Variants in ADGRL2 observed in about 807,000 individuals in gnomAD.
The protein encoded by ADGRL2 is adhesion G protein-coupled receptor L2.
A neutral mutation model predicts 157.4 loss-of-function variants in ADGRL2; 44 were observed. That is an observed-to-expected ratio of 0.28 (90% CI 0.22 to 0.36). ADGRL2 has a LOEUF of 0.36. Among genes scored for constraint, ADGRL2 ranks in the 10% least tolerant of loss-of-function variants. The pLI, the probability that ADGRL2 is intolerant of heterozygous loss-of-function variation, is 1.00. For missense variants in ADGRL2, 1,510 were observed against 1,768.9 expected, an observed-to-expected ratio of 0.85 and a Z score of 2.63; for synonymous variants, 585 against 624.7, an observed-to-expected ratio of 0.94 and a Z score of 0.95.
chr1:81,568,364 G>T (rs560522608), intron 2 of ADGRL2, among the ~76,000 whole-genome samples: 4 of 152,040 alleles, frequency 2.6e-5, no homozygotes, highest in Admixed American at 6.6e-5. Context: ...GAATCAACCA[G>T]GTTTAAACCT....
At chr1:81,751,388 G>A (rs534167664) in intron 1 of ADGRL2, among the ~76,000 whole-genome samples, 12 of 152,256 alleles carry the variant, frequency 7.9e-5, no homozygotes, top group Non-Finnish European at 1.3e-4. Flanking sequence ...GCTATGAAAT[G>A]AACATAGCAT....
intron 3 of ADGRL2, among the ~76,000 whole-genome samples, chr1:81,581,152 A>G (rs1465556276): frequency 3.9e-5 from 6 of 152,176 alleles, no homozygotes; most frequent in Non-Finnish European, 7.4e-5. Context: ...TAAATATTTT[A>G]TGAGTCACTC....
At chr1:81,707,326 T>A (rs967790561) in intron 1 of ADGRL2, among the ~76,000 whole-genome samples, 2 of 152,204 alleles carry the variant, frequency 1.3e-5, no homozygotes, top group African/African-American at 2.4e-5. Context: ...AAGAATGTCA[T>A]CTCCACTCCA....
At chr1:81,865,536 C>G (rs757825845) in intron 2 of ADGRL2, among the ~76,000 whole-genome samples, 3 of 152,112 alleles carry the variant, frequency 2.0e-5, no homozygotes, top group Non-Finnish European at 4.4e-5. Context: ...GTCTCTAATT[C>G]TTAATTTATT....
intron 1 of ADGRL2, among the ~76,000 whole-genome samples, chr1:81,380,278 T>G (rs533726401): frequency 1.6e-4 from 24 of 152,212 alleles, no homozygotes; most frequent in Non-Finnish European, 2.6e-4. Context: ...GCCTATCACT[T>G]TTAATGTGTG....
Position 81,966,435 on chromosome 1 carries a change from G to C in ADGRL2, c.2175G>C (p.Arg725=), listed in dbSNP as rs1002606785. The change falls in exon 13 of 24, where the codon CGG becomes CGC. Residue 725 remains arginine (R), a synonymous_variant. Coordinates refer to ENST00000686636, the MANE Select transcript of ADGRL2 (RefSeq NM_001366006.2). ...GLAKLVFIIY[R]SLGQFLSTEN... Reference sequence around the variant, plus strand: ...CAAAGTTGGTGTTCATCATTTACCGGAGCCTGGGACAGTTCCTTAGTACAG... The same window carrying C: ...CAAAGTTGGTGTTCATCATTTACCGCAGCCTGGGACAGTTCCTTAGTACAG... 1.2e-6 allele frequency: 2 copies of C among 1,613,956 alleles called. No homozygotes were observed. The highest frequency in any genetic ancestry group is 1.7e-6 in the Non-Finnish European group (2 of 1,180,006).
At chr1:81,758,419 G>C (rs1328703295) in intron 1 of ADGRL2, among the ~76,000 whole-genome samples, 2 of 152,084 alleles carry the variant, frequency 1.3e-5, no homozygotes, top group Non-Finnish European at 2.9e-5. Flanking sequence ...ATGCCAATTA[G>C]GGCCGATTTA....
upstream of ADGRL2, among the ~76,000 whole-genome samples, chr1:81,797,764 T>A (rs1485983271): frequency 6.6e-6 from 1 of 152,142 alleles, no homozygotes; most frequent in African/African-American, 2.4e-5. Flanking sequence ...AATAAAATAA[T>A]CTTCAGTTTC....
intron 3 of ADGRL2, among the ~76,000 whole-genome samples, chr1:81,601,013 A>G (rs1201459515): frequency 6.6e-6 from 1 of 152,202 alleles, no homozygotes; most frequent in Non-Finnish European, 1.5e-5. Context: ...TCGACACTCA[A>G]GTAATGAGTG....
intron 1 of ADGRL2, among the ~76,000 whole-genome samples, chr1:81,377,698 T>C (rs2101027872): frequency 6.6e-6 from 1 of 152,310 alleles, no homozygotes; most frequent in East Asian, 1.9e-4. Context: ...TTTGTGAGAA[T>C]GTATTTAATT....
chr1:81,395,374 T>C (rs965337063), intron 1 of ADGRL2, among the ~76,000 whole-genome samples: 3 of 152,154 alleles, frequency 2.0e-5, no homozygotes, highest in Non-Finnish European at 2.9e-5. Flanking sequence ...TATTTTCAAA[T>C]GAGATTATTT....
intron 3 of ADGRL2, among the ~76,000 whole-genome samples, chr1:81,592,476 G>C (rs1459516072): frequency 6.6e-6 from 1 of 152,118 alleles, no homozygotes; most frequent in African/African-American, 2.4e-5. Flanking sequence ...TAATGCATCT[G>C]CCACCAGTGA....
chr1:81,810,410 T>A, intron 1 of ADGRL2, among the ~76,000 whole-genome samples: 1 of 1,382 alleles, frequency 7.2e-4, no homozygotes, highest in Admixed American at 0.033. Flanking sequence ...TACTCCTTTA[T>A]TAAACTGGTT....
intron 2 of ADGRL2, among the ~76,000 whole-genome samples, chr1:81,578,728 T>A (rs1246446261): frequency 6.6e-6 from 1 of 152,174 alleles, no homozygotes; most frequent in Non-Finnish European, 1.5e-5. Context: ...AAACCCCATC[T>A]GTTTTTATGA....
At chr1:81,931,179 C>T (rs2148771825) in intron 3 of ADGRL2, among the ~76,000 whole-genome samples, 1 of 152,052 alleles carries the variant, frequency 6.6e-6, no homozygotes, top group African/African-American at 2.4e-5. Context: ...AAACAAAATT[C>T]AGTGTTTTGT....
At chr1:81,611,243 G>A (rs777539775) in intron 3 of ADGRL2, among the ~76,000 whole-genome samples, 5 of 152,294 alleles carry the variant, frequency 3.3e-5, no homozygotes, top group African/African-American at 7.2e-5. Context: ...ATTATTGAGA[G>A]AAGGGATATA....
chr1:81,799,396 T>C (rs1023319126), upstream of ADGRL2, among the ~76,000 whole-genome samples: 1 of 152,224 alleles, frequency 6.6e-6, no homozygotes, highest in South Asian at 2.1e-4. Context: ...TAGAAGAAAT[T>C]AGATTATCAA....
intron 3 of ADGRL2, among the ~76,000 whole-genome samples, chr1:81,629,487 T>G (rs533435802): frequency 6.6e-6 from 1 of 152,216 alleles, no homozygotes; most frequent in Admixed American, 6.5e-5. Flanking sequence ...GAACAGATTA[T>G]TTTTGAAAAT....
intron 1 of ADGRL2, among the ~76,000 whole-genome samples, chr1:81,444,572 A>T (rs1403827938): frequency 6.6e-6 from 1 of 152,178 alleles, no homozygotes; most frequent in Non-Finnish European, 1.5e-5. Flanking sequence ...TTTCCCTCCT[A>T]TCACTAAACC....
Sources: gnomAD v4.1 joint callset for allele counts (sites outside exome capture counted in the v4.1 genomes callset) on GRCh38, gnomAD v4.1.1 for gene constraint, MANE v1.5 for transcripts, NCBI Gene and HGNC (gene_info 2026-07-23, HGNC 2026-07-21) for gene names.